The following PTK2 variants were observed in gnomAD, a reference collection of about 807,000 sequenced individuals.
The protein encoded by PTK2 is focal adhesion kinase 1.
Under a neutral mutation model 150.1 loss-of-function variants are expected in PTK2, and 45 were observed. The observed-to-expected ratio is 0.30, with a 90% CI of 0.24 to 0.38. PTK2 has a LOEUF of 0.38. Ranked by LOEUF, PTK2 falls within the 10% of genes least tolerant of loss-of-function variation. The probability of loss-of-function intolerance (pLI) is 1.00; values close to 1 mark genes in which losing one functional copy is unlikely to be tolerated. For synonymous variants in PTK2, 432 were observed against 449.2 expected, an observed-to-expected ratio of 0.96 and a Z score of 0.48; for missense variants, 919 against 1,307.3, an observed-to-expected ratio of 0.70 and a Z score of 4.58.
At chr8:140,909,984 A>G (rs1403300984) in intron 2 of PTK2, among the ~76,000 whole-genome samples, 1 of 152,182 alleles carries the variant, frequency 6.6e-6, no homozygotes, top group Non-Finnish European at 1.5e-5. Flanking sequence ...TTTCTCCTAA[A>G]GCTTGTCCTA....
At chr8:140,678,867 T>C (rs1013326644) in intron 27 of PTK2, among the ~76,000 whole-genome samples, 1 of 151,062 alleles carries the variant, frequency 6.6e-6, no homozygotes, top group African/African-American at 2.4e-5. Flanking sequence ...CAACAGACAA[T>C]GTCTACTGGC....
At chr8:140,782,270 G>T (rs2100082216) in intron 14 of PTK2, among the ~76,000 whole-genome samples, 1 of 150,772 alleles carries the variant, frequency 6.6e-6, no homozygotes, top group African/African-American at 2.5e-5. Context: ...GGGGGACAGG[G>T]TCCTCTCTTT....
intron 20 of PTK2, among the ~76,000 whole-genome samples, chr8:140,741,130 C>A (rs1435675155): frequency 6.8e-6 from 1 of 146,248 alleles, no homozygotes; most frequent in Non-Finnish European, 1.5e-5. Context: ...GACGACAGAA[C>A]GAGACCCTGT....
chr8:140,995,940 C>A (rs1399324464), intron 1 of PTK2, among the ~76,000 whole-genome samples: 1 of 152,058 alleles, frequency 6.6e-6, no homozygotes, highest in East Asian at 1.9e-4. Flanking sequence ...ACAGCCTTAG[C>A]CGGGTGCAGT....
intron 3 of PTK2, 89 bp from the exon 4 acceptor site, chr8:140,879,726 A>G (rs546429290): frequency 4.1e-4 from 480 of 1,157,958 alleles, no homozygotes; most frequent in Non-Finnish European, 5.1e-4. Context: ...AAACAAAACA[A>G]AAAAAAAACT....
chr8:140,952,473 C>G (rs938003167), intron 1 of PTK2, among the ~76,000 whole-genome samples: 2 of 152,150 alleles, frequency 1.3e-5, no homozygotes, highest in Admixed American at 6.5e-5. Flanking sequence ...GAAATGGAAA[C>G]TGTATGACAT....
chr8:140,792,237 G>C (rs754214594), intron 13 of PTK2, among the ~76,000 whole-genome samples: 1 of 152,332 alleles, frequency 6.6e-6, no homozygotes, highest in Middle Eastern at 3.4e-3. Flanking sequence ...CTGAACTCTT[G>C]CTTTCCTTCT....
At chr8:140,828,392 G>A (rs2100113204) in intron 8 of PTK2, among the ~76,000 whole-genome samples, 1 of 152,086 alleles carries the variant, frequency 6.6e-6, no homozygotes, top group African/African-American at 2.4e-5. Flanking sequence ...TCACACCATG[G>A]CACCTGTGAC....
At chr8:141,002,062 C>T (rs905067998), upstream of PTK2, 4 of 152,192 alleles carry the variant, frequency 2.6e-5, no homozygotes, top group Non-Finnish European at 5.9e-5. Context: ...CGACACCGAC[C>T]CGGGCTTCCG....
chr8:140,754,758 G>A lies in PTK2; in HGVS notation c.1333-2442C>T, dbSNP rs1363661928. ...GGCTCAGCCTTCGGTTTGGCGAATA[G>A]GACATGCGGCTAGTGGCCCCTAAAG... On this transcript the variant is annotated intron_variant, in intron 16 of 31. Coordinates refer to ENST00000522684, the Ensembl canonical transcript of PTK2. Among the ~76,000 whole-genome samples the A allele has an allele frequency of 2.0e-5, 3 of 152,234 alleles. No homozygotes were observed. The East Asian group carries it at 5.8e-4, about 29-fold the overall frequency.
chr8:140,849,781 T>C (rs2100128005), intron 5 of PTK2, among the ~76,000 whole-genome samples: 1 of 152,240 alleles, frequency 6.6e-6, no homozygotes, highest in Non-Finnish European at 1.5e-5. Flanking sequence ...ATTAGTCCTA[T>C]TATATATAAA....
chr8:140,692,541 C>T (rs554137237), intron 26 of PTK2, among the ~76,000 whole-genome samples: 3 of 152,102 alleles, frequency 2.0e-5, no homozygotes, highest in Admixed American at 1.3e-4. Flanking sequence ...CGCTTAAACC[C>T]GGGAGGCGGA....
At chr8:140,825,098 G>C (rs2100111061) in intron 8 of PTK2, among the ~76,000 whole-genome samples, 2 of 152,184 alleles carry the variant, frequency 1.3e-5, no homozygotes, top group South Asian at 2.1e-4. Context: ...TCTGCAATAA[G>C]AGAGTTTTTA....
chr8:140,720,901 A>G (rs11783573), intron 22 of PTK2, among the ~76,000 whole-genome samples: 67,244 of 151,854 alleles, frequency 0.44, 15,886 homozygotes, highest in Non-Finnish European at 0.54. Flanking sequence ...CCACAGGTGC[A>G]TGTGCCACCA....
chr8:140,923,619 A>C (rs148927630), intron 2 of PTK2, among the ~76,000 whole-genome samples: 90 of 152,364 alleles, frequency 5.9e-4, no homozygotes, highest in African/African-American at 2.1e-3. Context: ...ATGGCAACAT[A>C]AGTGAAAAAG....
chr8:140,708,744 A>G (rs2154172504), intron 23 of PTK2, among the ~76,000 whole-genome samples: 1 of 152,268 alleles, frequency 6.6e-6, no homozygotes, highest in South Asian at 2.1e-4. Context: ...TGTTCTACAA[A>G]GTGGTTGTGC....
chr8:140,867,435 T>C (rs538885807), intron 4 of PTK2, among the ~76,000 whole-genome samples: 1 of 152,238 alleles, frequency 6.6e-6, no homozygotes, highest in Admixed American at 6.5e-5. Context: ...CATGCATGAA[T>C]ATTTAAAGGC....
intron 1 of PTK2, among the ~76,000 whole-genome samples, chr8:140,974,943 C>T (rs376768847): frequency 1.4e-4 from 22 of 152,276 alleles, no homozygotes; most frequent in South Asian, 8.3e-4. Context: ...CCTGGAATTA[C>T]GCTGGATTCC....
At chr8:140,904,156 T>C (rs182595317) in intron 2 of PTK2, among the ~76,000 whole-genome samples, 38 of 152,332 alleles carry the variant, frequency 2.5e-4, no homozygotes, top group African/African-American at 9.1e-4. Flanking sequence ...ATAGCTCTTA[T>C]TATTTTGAGA....
Sources: gnomAD v4.1 joint callset for allele counts (sites outside exome capture counted in the v4.1 genomes callset) on GRCh38, gnomAD v4.1.1 for gene constraint, MANE v1.5 for transcripts, NCBI Gene and HGNC (gene_info 2026-07-23, HGNC 2026-07-21) for gene names.